LRP1B: variants seen among roughly 807,000 people sequenced by gnomAD.
The protein encoded by LRP1B is LDL receptor related protein 1B.
A neutral mutation model predicts 556.6 loss-of-function variants in LRP1B; 217 were observed. That is an observed-to-expected ratio of 0.39 (90% confidence interval 0.35 to 0.44). The LOEUF is 0.44. Among genes scored for constraint, LRP1B ranks in the 20% least tolerant of loss-of-function variants. The pLI, the probability that LRP1B is intolerant of heterozygous loss-of-function variation, is 1.00. For missense variants in LRP1B, 5,053 were observed against 5,620.8 expected, an observed-to-expected ratio of 0.90 and a Z score of 3.23; for synonymous variants, 2,047 against 1,865.8, an observed-to-expected ratio of 1.10 and a Z score of -2.50.
At chr2:140,624,884 G>T (rs1261645674) in intron 41 of LRP1B, among the ~76,000 whole-genome samples, 1 of 152,174 alleles carries the variant, frequency 6.6e-6, no homozygotes, top group African/African-American at 2.4e-5. Flanking sequence ...AAAGACAGAA[G>T]GGGCAAATTG....
At chr2:140,990,901 ATTG>A (rs1395630864) in intron 16 of LRP1B, among the ~76,000 whole-genome samples, 2 of 152,094 alleles carry the variant, frequency 1.3e-5, no homozygotes, top group African/African-American at 2.4e-5. Flanking sequence ...AATTTGAAAA[ATTG>A]TTGTTTTATC....
intron 2 of LRP1B, among the ~76,000 whole-genome samples, chr2:141,559,593 T>C (rs544914722): frequency 1.9e-4 from 29 of 151,634 alleles, no homozygotes; most frequent in Non-Finnish European, 3.2e-4. Flanking sequence ...CTGTTGTAAT[T>C]TTAAGAAATG....
chr2:141,519,402 T>TATATATAC (rs1559118193), intron 2 of LRP1B, among the ~76,000 whole-genome samples: 32 of 29,868 alleles, frequency 1.1e-3, no homozygotes, highest in Admixed American at 9.4e-3. Flanking sequence ...TATATATATA[T>TATATATAC]GAAATGCAAT....
intron 43 of LRP1B, among the ~76,000 whole-genome samples, chr2:140,547,227 T>A (rs1324579323): frequency 6.6e-6 from 1 of 152,176 alleles, no homozygotes; most frequent in African/African-American, 2.4e-5. Flanking sequence ...TCAGCAGGAA[T>A]GGTACCAGCT....
chr2:140,903,750 C>T (rs1276333463), intron 22 of LRP1B, among the ~76,000 whole-genome samples: 1 of 149,702 alleles, frequency 6.7e-6, no homozygotes, highest in Admixed American at 6.7e-5. Flanking sequence ...CATTGTGCCT[C>T]ATATATTGGT....
In LRP1B at chr2:140,428,203, C is replaced by G. The variant is rs182026894; in HGVS notation, c.10414+14301G>C. 5.9e-5 allele frequency among the ~76,000 whole-genome samples: 9 copies of G among 152,290 alleles called. No homozygotes were observed. The East Asian group carries it at 1.7e-3, about 29-fold the overall frequency. Reference sequence around the variant, plus strand: ...ACTCCAAAAATTAAATTCTGGCCCTCAAACCCCACAACAGGACTTAATTAA... The same window carrying G: ...ACTCCAAAAATTAAATTCTGGCCCTGAAACCCCACAACAGGACTTAATTAA... On this transcript the variant is annotated intron_variant, in intron 66 of 90. Transcript: ENST00000389484.
chr2:141,536,779 A>AT (rs1018347428), intron 2 of LRP1B, among the ~76,000 whole-genome samples: 4 of 151,990 alleles, frequency 2.6e-5, no homozygotes, highest in Non-Finnish European at 5.9e-5. Flanking sequence ...CATAATATCA[A>AT]TTTTTTTCTT....
chr2:140,579,835 C>G (rs1399884222), intron 43 of LRP1B, among the ~76,000 whole-genome samples: 1 of 152,006 alleles, frequency 6.6e-6, no homozygotes, highest in African/African-American at 2.4e-5. Context: ...GAGTGAGACT[C>G]CATCTCAAAA....
At chr2:140,596,540 G>A (rs529781121) in intron 43 of LRP1B, among the ~76,000 whole-genome samples, 2 of 152,164 alleles carry the variant, frequency 1.3e-5, no homozygotes, top group Non-Finnish European at 2.9e-5. Flanking sequence ...ATTCAGTAAT[G>A]AATTGAAATA....
intron 2 of LRP1B, among the ~76,000 whole-genome samples, chr2:141,672,314 T>C (rs1690703072): frequency 6.6e-6 from 1 of 152,102 alleles, no homozygotes; most frequent in Non-Finnish European, 1.5e-5. Flanking sequence ...AGTAGCATTT[T>C]TGATTTAGTG....
chr2:140,672,482 T>TAAAAAAAAAAAAAAAAAAAAAAAACAAAA (rs1685521931), intron 41 of LRP1B, among the ~76,000 whole-genome samples: 1 of 81,592 alleles, frequency 1.2e-5, no homozygotes, highest in Non-Finnish European at 2.2e-5. Flanking sequence ...AGACTCCATC[T>TAAAAAAAAAAAAAAAAAAAAAAAACAAAA]AAAAAAAAAA....
chr2:141,887,818 TACCAA>T (rs1699172613), intron 1 of LRP1B, among the ~76,000 whole-genome samples: 2 of 152,214 alleles, frequency 1.3e-5, no homozygotes, highest in South Asian at 4.1e-4. Context: ...TAGTTGAAGC[TACCAA>T]AACCCTGATT....
At chr2:141,629,406 C>T (rs921056157) in intron 2 of LRP1B, among the ~76,000 whole-genome samples, 18 of 152,156 alleles carry the variant, frequency 1.2e-4, no homozygotes, top group Non-Finnish European at 1.8e-4. Context: ...CTTTATAACA[C>T]GTCAAATGAG....
chr2:141,613,872 A>G (rs1035786873), intron 2 of LRP1B, among the ~76,000 whole-genome samples: 6 of 152,026 alleles, frequency 3.9e-5, no homozygotes, highest in Non-Finnish European at 8.8e-5. Context: ...CGGGAGTTCA[A>G]GACCAGCCTG....
chr2:141,838,735 G>A (rs753362031), intron 1 of LRP1B, among the ~76,000 whole-genome samples: 3 of 152,108 alleles, frequency 2.0e-5, no homozygotes, highest in Non-Finnish European at 2.9e-5. Context: ...TTTCTAGGAC[G>A]TAAAATAATT....
chr2:140,884,929 G>T (rs930540847), intron 24 of LRP1B, among the ~76,000 whole-genome samples: 2 of 152,114 alleles, frequency 1.3e-5, no homozygotes, highest in African/African-American at 4.8e-5. Flanking sequence ...GTCCAGGCTG[G>T]TCTCAAACTC....
At chr2:140,707,699 C>T (rs1686887916) in intron 37 of LRP1B, among the ~76,000 whole-genome samples, 1 of 152,042 alleles carries the variant, frequency 6.6e-6, no homozygotes, top group Non-Finnish European at 1.5e-5. Context: ...GTAGAGCGTT[C>T]TCTTTTTCTG....
intron 84 of LRP1B, among the ~76,000 whole-genome samples, chr2:140,295,657 T>G (rs1683569417): frequency 6.6e-6 from 1 of 152,236 alleles, no homozygotes. Flanking sequence ...CAGAAGCCTA[T>G]TTATTTTTTC....
Position 140,769,208 on chromosome 2 carries a change from T to C in LRP1B, c.5758+5A>G. On this transcript the variant is annotated splice_donor_5th_base_variant and intron_variant, in intron 35 of 90. Coordinates refer to ENST00000389484, the MANE Select transcript of LRP1B (RefSeq NM_018557.3). ...TGCATAAATTATGACTAAAAAGCTATTTACCTGCATGGAAATCTATTCCCA... is the reference window on the plus strand; with the variant it reads ...TGCATAAATTATGACTAAAAAGCTACTTACCTGCATGGAAATCTATTCCCA... The C allele has an allele frequency of 6.2e-7, 1 of 1,610,788 alleles. No individual in the cohort carries two copies. Among genetic ancestry groups the C allele is most frequent in the Non-Finnish European group, 8.5e-7 (1 of 1,177,860 alleles).
Sources: allele counts gnomAD v4.1 joint callset (sites outside exome capture counted in the v4.1 genomes callset), GRCh38; gene constraint gnomAD v4.1.1; transcripts MANE v1.5; gene names NCBI Gene and HGNC (gene_info 2026-07-23, HGNC 2026-07-21).